SRGAP3: variants seen among roughly 807,000 people sequenced by gnomAD.
The protein encoded by SRGAP3 is SLIT-ROBO Rho GTPase activating protein 3.
Under a neutral mutation model 121.1 loss-of-function variants are expected in SRGAP3, and 39 were observed. The observed-to-expected ratio is 0.32, with a 90% CI of 0.25 to 0.42. The LOEUF is 0.42. SRGAP3 is among the 10% of genes least tolerant of loss of function. The pLI, the probability that SRGAP3 is intolerant of heterozygous loss-of-function variation, is 1.00. For missense variants in SRGAP3, 1,213 were observed against 1,470.6 expected (o/e 0.82, Z 2.86); for synonymous variants, 601 against 570.0 (o/e 1.05, Z -0.77).
intron 4 of SRGAP3, among the ~76,000 whole-genome samples, chr3:9,077,693 C>T (rs542452477): frequency 2.8e-4 from 43 of 152,240 alleles, no homozygotes; most frequent in Non-Finnish European, 4.7e-4. Flanking sequence ...GCCATCCTGC[C>T]CTGCAGCCAG....
intron 3 of SRGAP3, among the ~76,000 whole-genome samples, chr3:9,290,676 C>A (rs1430288461): frequency 6.6e-6 from 1 of 152,202 alleles, no homozygotes; most frequent in Non-Finnish European, 1.5e-5. Flanking sequence ...ATACCCCAAA[C>A]CTACTGAATC....
chr3:9,293,876 T>C (rs1287865978), intron 3 of SRGAP3, among the ~76,000 whole-genome samples: 1 of 152,132 alleles, frequency 6.6e-6, no homozygotes, highest in Non-Finnish European at 1.5e-5. Context: ...AAACACACAC[T>C]GTTGGTGGGA....
intron 9 of SRGAP3, chr3:9,049,475 C>A: frequency 2.2e-6 from 1 of 456,064 alleles, no homozygotes. Flanking sequence ...CCCTTCTACC[C>A]AGAAGGAAAC....
chr3:9,333,601 T>G (rs1488790144), intron 1 of SRGAP3, among the ~76,000 whole-genome samples: 1 of 152,200 alleles, frequency 6.6e-6, no homozygotes, highest in Non-Finnish European at 1.5e-5. Flanking sequence ...AACAATTATT[T>G]CTTCAGACAG....
At chr3:9,342,051 T>C (rs770745243) in intron 1 of SRGAP3, among the ~76,000 whole-genome samples, 1 of 151,982 alleles carries the variant, frequency 6.6e-6, no homozygotes, top group Non-Finnish European at 1.5e-5. Flanking sequence ...AAAAGTCAAA[T>C]AGGAAAGCTA....
At chr3:9,356,581 G>C (rs2030527894) in intron 1 of SRGAP3, among the ~76,000 whole-genome samples, 1 of 151,698 alleles carries the variant, frequency 6.6e-6, no homozygotes, top group Non-Finnish European at 1.5e-5. Context: ...CACCGTGTTA[G>C]CCAGGATGGT....
chr3:9,255,494 CAA>C (rs1355290885), intron 3 of SRGAP3, among the ~76,000 whole-genome samples: 1 of 152,182 alleles, frequency 6.6e-6, no homozygotes, highest in African/African-American at 2.4e-5. Context: ...GCAAGGAAGG[CAA>C]AGTCTCTCCC....
chr3:9,197,652 T>G (rs549987734), intron 1 of SRGAP3, among the ~76,000 whole-genome samples: 23 of 152,204 alleles, frequency 1.5e-4, no homozygotes, highest in Non-Finnish European at 3.4e-4. Context: ...TAGTTGTGAG[T>G]GGCTCTGAAA....
At chr3:9,223,421 T>C (rs1361666227) in intron 1 of SRGAP3, among the ~76,000 whole-genome samples, 1 of 152,092 alleles carries the variant, frequency 6.6e-6, no homozygotes, top group Non-Finnish European at 1.5e-5. Flanking sequence ...CTTATCAGAG[T>C]CTTTAATACA....
chr3:9,259,742 A>G (rs930495269), intron 3 of SRGAP3, among the ~76,000 whole-genome samples: 1 of 152,018 alleles, frequency 6.6e-6, no homozygotes, highest in Non-Finnish European at 1.5e-5. Flanking sequence ...GATTGTCACT[A>G]GTCCCAGGTG....
Position 8,984,014 on chromosome 3 carries a change from C to A in SRGAP3, c.*1505G>T, listed in dbSNP as rs892036689. On this transcript the variant is annotated 3_prime_UTR_variant, in exon 22 of 22. Transcript: ENST00000383836. ...TTGCCCGTGTGCCATTATCCAGAAA[C>A]AGCTCATCTCTGGAAGTGATCAGAA... 2 of 231,524 alleles carry A rather than the reference C, an allele frequency of 8.6e-6. No individual in the cohort carries two copies. Among genetic ancestry groups the A allele is most frequent in the Non-Finnish European group, 1.7e-5 (2 of 116,926 alleles). The allele number at this position is 231,524 out of a possible 1,614,324, so 14.3% of individuals were successfully genotyped here. A position where few individuals can be genotyped will look rare whatever the true frequency, so the allele number is the denominator to read the frequency against.
At chr3:9,044,262 G>A in intron 10 of SRGAP3, among the ~76,000 whole-genome samples, 1 of 152,314 alleles carries the variant, frequency 6.6e-6, no homozygotes, top group African/African-American at 2.4e-5. Context: ...GACCCCCAGT[G>A]GATGCCTGAA....
chr3:9,336,460 C>G (rs138188935), intron 1 of SRGAP3, among the ~76,000 whole-genome samples: 59 of 152,164 alleles, frequency 3.9e-4, no homozygotes, highest in African/African-American at 1.4e-3. Context: ...AGTCATCATC[C>G]CACCTCAGAC....
chr3:9,066,074 T>C (rs922316942), intron 4 of SRGAP3, among the ~76,000 whole-genome samples: 1 of 151,978 alleles, frequency 6.6e-6, no homozygotes, highest in Admixed American at 6.5e-5. Flanking sequence ...GCTGGTATTA[T>C]AGGTGTGAAC....
chr3:9,020,448 A>C (rs1171464872), intron 14 of SRGAP3, among the ~76,000 whole-genome samples: 1 of 152,096 alleles, frequency 6.6e-6, no homozygotes, highest in Non-Finnish European at 1.5e-5. Context: ...CAGCCTAAGG[A>C]ATTCAAAAAC....
rs1941402905 is a variant in SRGAP3 at position 8,981,221 on chromosome 3, G to C, written c.*4298C>G. On this transcript the variant is annotated 3_prime_UTR_variant, in exon 22 of 22. Transcript: ENST00000383836. ...TTCTATGTGGCTGCTCAGAGGAGAG[G>C]AGACCCCAGAGAACCGGGGAAGTTG... The C allele has an allele frequency of 4.3e-6, 1 of 232,850 alleles. No homozygotes were observed. The highest frequency in any genetic ancestry group is 5.6e-5 in the Admixed American group (1 of 17,772). 14.4% of individuals were successfully genotyped at this position (232,850 alleles called of 1,614,324 possible).
intron 2 of SRGAP3, among the ~76,000 whole-genome samples, chr3:9,329,090 C>T (rs1329479431): frequency 6.6e-6 from 1 of 152,144 alleles, no homozygotes; most frequent in Non-Finnish European, 1.5e-5. Context: ...GGGTCCTAAC[C>T]CCACGTTTTA....
chr3:9,009,780 T>C (rs1943267359), intron 18 of SRGAP3, among the ~76,000 whole-genome samples: 1 of 152,134 alleles, frequency 6.6e-6, no homozygotes, highest in African/African-American at 2.4e-5. Context: ...CACCCTTTGA[T>C]TTCATCTCCA....
intron 2 of SRGAP3, among the ~76,000 whole-genome samples, chr3:9,106,966 G>A (rs77825383): frequency 2.6e-5 from 4 of 152,062 alleles, no homozygotes; most frequent in African/African-American, 2.4e-5. Flanking sequence ...GAAGGTAGGT[G>A]GGGCAGGGCT....
Sources: gnomAD v4.1 joint callset for allele counts (sites outside exome capture counted in the v4.1 genomes callset) on GRCh38, gnomAD v4.1.1 for gene constraint, MANE v1.5 for transcripts, NCBI Gene and HGNC (gene_info 2026-07-23, HGNC 2026-07-21) for gene names.